LGR4: variants seen among roughly 807,000 people sequenced by gnomAD.
LGR4 encodes leucine-rich repeat-containing G protein-coupled receptor 4.
Under a neutral mutation model 84.8 loss-of-function variants are expected in LGR4, and 44 were observed. The observed-to-expected ratio is 0.52, with a 90% confidence interval of 0.41 to 0.67. The LOEUF (loss-of-function observed/expected upper bound fraction) is 0.67. Among genes scored for constraint, LGR4 ranks in the 30% least tolerant of loss-of-function variants. LGR4 has a pLI of 0.00. For missense variants in LGR4, 1,032 were observed against 1,131.4 expected, an observed-to-expected ratio of 0.91 and a Z score of 1.26; for synonymous variants, 429 against 434.3, an observed-to-expected ratio of 0.99 and a Z score of 0.15.
At chr11:27,386,153 A>G (rs544957606) in intron 4 of LGR4, among the ~76,000 whole-genome samples, 50 of 152,200 alleles carry the variant, frequency 3.3e-4, no homozygotes, top group Non-Finnish European at 6.6e-4. Context: ...AGCTCCTGGA[A>G]TCAATGTTAC....
Position 27,472,467 on chromosome 11 carries a change from G to A in LGR4, c.-165C>T. ...CCCTTCAGCAGTCCGCCGCAGCGGC[G>A]CAGGGACGCGGCGCTCCGGAGTTTC... On this transcript the variant is annotated 5_prime_UTR_variant, in exon 1 of 18. Coordinates refer to ENST00000379214, the MANE Select transcript of LGR4 (RefSeq NM_018490.5). 2.4e-6 allele frequency: 1 copy of A among 425,428 alleles called. No individual in the cohort carries two copies. The highest frequency in any genetic ancestry group is 3.9e-6 in the Non-Finnish European group (1 of 254,588). 26.4% of individuals were successfully genotyped at this position (425,428 alleles called of 1,614,324 possible). A position where few individuals can be genotyped will look rare whatever the true frequency, so the allele number is the denominator to read the frequency against.
At chr11:27,438,776 A>G (rs1246206147) in intron 1 of LGR4, among the ~76,000 whole-genome samples, 1 of 152,062 alleles carries the variant, frequency 6.6e-6, no homozygotes, top group Non-Finnish European at 1.5e-5. Context: ...CTCGAACTAG[A>G]ACTTACACCA....
chr11:27,405,953 C>A (rs551448668), intron 2 of LGR4, among the ~76,000 whole-genome samples: 1 of 152,282 alleles, frequency 6.6e-6, no homozygotes, highest in South Asian at 2.1e-4. Context: ...AAGAGTCACT[C>A]AAGAGTTTAA....
intron 1 of LGR4, among the ~76,000 whole-genome samples, chr11:27,426,156 T>C (rs775147873): frequency 1.3e-5 from 2 of 152,304 alleles, no homozygotes; most frequent in Middle Eastern, 6.8e-3. Context: ...GGAAGACATA[T>C]AAAATATCTT....
intron 17 of LGR4, among the ~76,000 whole-genome samples, chr11:27,370,273 T>C (rs1862855528): frequency 6.6e-6 from 1 of 151,772 alleles, no homozygotes; most frequent in South Asian, 2.1e-4. Flanking sequence ...GAAACTCTTA[T>C]TTTAAATTTC....
intron 1 of LGR4, among the ~76,000 whole-genome samples, chr11:27,463,257 T>A (rs1864717303): frequency 6.6e-6 from 1 of 150,876 alleles, no homozygotes; most frequent in Non-Finnish European, 1.5e-5. Context: ...GTCTCAAAAA[T>A]AAAAAGACTG....
At chr11:27,426,034 T>C (rs1343264680) in intron 1 of LGR4, among the ~76,000 whole-genome samples, 1 of 152,200 alleles carries the variant, frequency 6.6e-6, no homozygotes, top group Non-Finnish European at 1.5e-5. Flanking sequence ...TTGCATTAAA[T>C]GCTTTACATA....
intron 15 of LGR4, chr11:27,373,177 CTATTA>C (rs1862917076): frequency 6.4e-6 from 1 of 155,508 alleles, no homozygotes; most frequent in Non-Finnish European, 1.4e-5. Flanking sequence ...ACAATACTCT[CTATTA>C]TATTTAATGC....
intron 12 of LGR4, 24 bp downstream of exon 12, chr11:27,377,134 G>A: frequency 6.9e-7 from 1 of 1,445,956 alleles, no homozygotes; most frequent in South Asian, 1.2e-5. Flanking sequence ...CACAACAAAA[G>A]GAATAAGTCA....
At chr11:27,410,601 G>GA (rs1863690985) in intron 2 of LGR4, among the ~76,000 whole-genome samples, 1 of 152,000 alleles carries the variant, frequency 6.6e-6, no homozygotes, top group South Asian at 2.1e-4. Context: ...GTTTAATAAG[G>GA]AAAAAGCATA....
intron 1 of LGR4, among the ~76,000 whole-genome samples, chr11:27,446,424 A>G (rs1305018142): frequency 6.6e-6 from 1 of 152,252 alleles, no homozygotes; most frequent in African/African-American, 2.4e-5. Context: ...GCCAAAAGAC[A>G]CATGAAAAAA....
chr11:27,469,763 G>C (rs1864837974), intron 1 of LGR4, among the ~76,000 whole-genome samples: 1 of 152,192 alleles, frequency 6.6e-6, no homozygotes, highest in African/African-American at 2.4e-5. Context: ...AACGCTTAGA[G>C]ACCACGGAAC....
chr11:27,377,129 C>T, intron 12 of LGR4, 29 bp downstream of exon 12: 7 of 1,410,280 alleles, frequency 5.0e-6, no homozygotes, highest in Non-Finnish European at 6.9e-6. Flanking sequence ...TACACCACAA[C>T]AAAAGGAATA....
rs2133355341 is a variant in LGR4 at position 27,365,994 on chromosome 11, T to G, written c.*1873A>C. On this transcript the variant is annotated 3_prime_UTR_variant, in exon 18 of 18. Transcript: ENST00000379214. ...TAGAAACTTTAATAATTCAAAACAC[T>G]GAGTACAATATTGTATTTCATACCA... is the stretch of plus-strand genomic sequence containing the variant. 1 of 152,586 alleles carries G rather than the reference T, an allele frequency of 6.6e-6. No individual in the cohort carries two copies. The highest frequency in any genetic ancestry group is 2.1e-4 in the South Asian group (1 of 4,818). 9.5% of individuals were successfully genotyped at this position (152,586 alleles called of 1,614,324 possible).
intron 1 of LGR4, among the ~76,000 whole-genome samples, chr11:27,446,852 G>A (rs1864399275): frequency 6.6e-6 from 1 of 152,072 alleles, no homozygotes; most frequent in Non-Finnish European, 1.5e-5. Context: ...ATACTATGCA[G>A]CCATAAAAAA....
rs79155414 is a variant in LGR4, at chr11:27,379,415, C to T, written c.972-647G>A. 9.0e-3 allele frequency among the ~76,000 whole-genome samples: 1,377 copies of T among 152,308 alleles called. 27 individuals carry two copies. The highest frequency in any genetic ancestry group is 0.031 in the African/African-American group (1,309 of 41,560). ...AGGTAGACTATTCCCACAGCCGCCTCACTGTTCTCCCCATCTCTAGTCTCT... is the reference window on the plus strand; with the variant it reads ...AGGTAGACTATTCCCACAGCCGCCTTACTGTTCTCCCCATCTCTAGTCTCT... On this transcript the variant is annotated intron_variant, in intron 10 of 17. Transcript: ENST00000379214.
intron 1 of LGR4, among the ~76,000 whole-genome samples, chr11:27,464,842 A>T (rs1864748530): frequency 6.6e-6 from 1 of 152,190 alleles, no homozygotes; most frequent in South Asian, 2.1e-4. Context: ...CTGCCAGGGT[A>T]CAATGAGATT....
chr11:27,367,884 G>A lies in LGR4; in HGVS notation c.2839C>T (p.Pro947Ser), dbSNP rs183501619. Reference sequence around the variant, plus strand: ...ACAGTAGTTCAGTCTTTAACTCTTGGTAGATTGTAAGCATAGCGCACCAAA... The same window carrying A: ...ACAGTAGTTCAGTCTTTAACTCTTGATAGATTGTAAGCATAGCGCACCAAA... ...FPLVRYAYNL[P>S]RVKD The change falls in exon 18 of 18, where the codon CCA (proline) becomes TCA (serine). Residue 947 changes from proline (P) to serine (S), a missense_variant. By Grantham distance (74) the Pro-to-Ser change is moderately conservative. Coordinates refer to ENST00000379214, the MANE Select transcript of LGR4 (RefSeq NM_018490.5). 6.3e-6 allele frequency: 10 copies of A among 1,591,340 alleles called. No homozygotes were observed. In the African/African-American group the frequency reaches 1.1e-4, roughly 17 times the overall value.
intron 1 of LGR4, among the ~76,000 whole-genome samples, chr11:27,433,338 C>T (rs1020662703): frequency 6.6e-6 from 1 of 152,086 alleles, no homozygotes; most frequent in Admixed American, 6.5e-5. Context: ...TCAGACTCCC[C>T]AGTAGTTGGG....
Sources: allele counts gnomAD v4.1 joint callset (sites outside exome capture counted in the v4.1 genomes callset), GRCh38; gene constraint gnomAD v4.1.1; transcripts MANE v1.5; gene names NCBI Gene and HGNC (gene_info 2026-07-23, HGNC 2026-07-21).